The following TGS1 variants were observed in gnomAD, a reference collection of about 807,000 sequenced individuals.
TGS1 encodes trimethylguanosine synthase.
TGS1 carries 69 observed loss-of-function variants against 92.2 expected under a neutral mutation model. The observed-to-expected ratio is 0.75, with a 90% CI of 0.62 to 0.91. TGS1 has a LOEUF of 0.91. Among genes scored for constraint, TGS1 ranks in the 40% least tolerant of loss-of-function variants. The pLI, the probability that TGS1 is intolerant of heterozygous loss-of-function variation, is 0.00. For synonymous variants in TGS1, 345 were observed against 338.1 expected (o/e 1.02, Z -0.22); for missense variants, 1,062 against 1,001.2 (o/e 1.06, Z -0.82).
intron 4 of TGS1, among the ~76,000 whole-genome samples, chr8:55,789,356 C>T (rs148010160): frequency 2.6e-5 from 4 of 152,258 alleles, no homozygotes; most frequent in Non-Finnish European, 4.4e-5. Flanking sequence ...ATTAATGTTA[C>T]TTTCATACTA....
chr8:55,814,673 A>C (rs1418803482), intron 12 of TGS1, among the ~76,000 whole-genome samples: 1 of 134,570 alleles, frequency 7.4e-6, no homozygotes, highest in Admixed American at 7.5e-5. Flanking sequence ...AAAAAAAAAA[A>C]AATATATATA....
At chr8:55,785,307 C>A (rs1050062265) in intron 2 of TGS1, among the ~76,000 whole-genome samples, 3 of 152,142 alleles carry the variant, frequency 2.0e-5, no homozygotes, top group African/African-American at 4.8e-5. Flanking sequence ...CCGCCTGCCT[C>A]AGCCTCCGAA....
At chr8:55,792,631 T>A in intron 5 of TGS1, 67 bp from the exon 6 acceptor site, 1 of 1,133,848 alleles carries the variant, frequency 8.8e-7, no homozygotes, top group East Asian at 2.4e-5. Context: ...TTGCCTTTTT[T>A]ATATTTATCT....
intron 8 of TGS1, among the ~76,000 whole-genome samples, chr8:55,801,181 G>A (rs1211709004): frequency 6.6e-6 from 1 of 152,210 alleles, no homozygotes; most frequent in Non-Finnish European, 1.5e-5. Context: ...GCTAACAGAA[G>A]TAATAACTTT....
chr8:55,799,337 A>T (rs1812154813), intron 8 of TGS1, 117 bp downstream of exon 8: 1 of 995,184 alleles, frequency 1.0e-6, no homozygotes, highest in Non-Finnish European at 1.4e-6. Context: ...ACTGCTACTT[A>T]TTTTTAAGTG....
In TGS1 at chr8:55,783,302, C is replaced by A. The variant is rs576431138; in HGVS notation, c.166+490C>A. Among the ~76,000 whole-genome samples, 5 of 152,212 alleles carry A rather than the reference C, an allele frequency of 3.3e-5. No homozygotes were observed. In the East Asian group the frequency reaches 9.6e-4, roughly 29 times the overall value. On this transcript the variant is annotated intron_variant, in intron 2 of 12. Coordinates refer to ENST00000260129, the MANE Select transcript of TGS1 (RefSeq NM_024831.8). The stretch of plus-strand genomic sequence containing the variant: ...GGTATGGTGGTGGGCACCTATAATC[C>A]CAGCTACTCAGGAGGCTGAGGCAAG...
chr8:55,794,993 G>A (rs1323359755), intron 6 of TGS1, among the ~76,000 whole-genome samples: 1 of 152,180 alleles, frequency 6.6e-6, no homozygotes, highest in African/African-American at 2.4e-5. Context: ...GACTCTTGTA[G>A]TTTCTAAAGA....
intron 5 of TGS1, among the ~76,000 whole-genome samples, 166 bp downstream of exon 5, chr8:55,790,465 A>G (rs1408770341): frequency 6.6e-6 from 1 of 151,902 alleles, no homozygotes; most frequent in Non-Finnish European, 1.5e-5. Context: ...ACCTGTGGTT[A>G]AGGCCGAACT....
chr8:55,824,334 A>G (rs1317796279), intron 12 of TGS1, among the ~76,000 whole-genome samples: 2 of 152,198 alleles, frequency 1.3e-5, no homozygotes, highest in Non-Finnish European at 2.9e-5. Context: ...TGGAGAGTTC[A>G]AGTCCTATAC....
At chr8:55,780,748 G>A (rs1399583111) in intron 1 of TGS1, among the ~76,000 whole-genome samples, 1 of 152,154 alleles carries the variant, frequency 6.6e-6, no homozygotes, top group Non-Finnish European at 1.5e-5. Context: ...TCTGTAAGGA[G>A]CGCTTTCCCT....
At chr8:55,782,607 T>C in intron 1 of TGS1, 141 bp from the exon 2 acceptor site, 1 of 584,532 alleles carries the variant, frequency 1.7e-6, no homozygotes, top group Non-Finnish European at 3.0e-6. Flanking sequence ...CTCTACATTA[T>C]AAGTGAGGGA....
intron 12 of TGS1, among the ~76,000 whole-genome samples, chr8:55,820,321 C>T (rs539843906): frequency 2.6e-5 from 4 of 152,184 alleles, no homozygotes; most frequent in South Asian, 4.1e-4. Context: ...CCGAGGCGGG[C>T]GGATCACCTG....
At chr8:55,821,332 T>C (rs770274394) in intron 12 of TGS1, among the ~76,000 whole-genome samples, 6 of 152,230 alleles carry the variant, frequency 3.9e-5, no homozygotes, top group Admixed American at 3.3e-4. Context: ...TTTGCTATAC[T>C]GCACTGCCTA....
At chr8:55,812,942 C>T in intron 11 of TGS1, 98 bp from the exon 12 acceptor site, 2 of 930,546 alleles carry the variant, frequency 2.1e-6, no homozygotes, top group Non-Finnish European at 3.3e-6. Flanking sequence ...CTTTTAGTTA[C>T]ATTTTGAAAT....
In TGS1 at chr8:55,810,985, C is replaced by G. The variant is rs758192125; in HGVS notation, c.2248C>G (p.Leu750Val). 6.2e-7 allele frequency: 1 copy of G among 1,614,134 alleles called. No individual in the cohort carries two copies. The highest frequency in any genetic ancestry group is 1.7e-5 in the Admixed American group (1 of 60,004). ...AGAGTTCATCTGTGGAGATTTCTTG[C>G]TGCTGGCTTCTTTTTTAAAGGCTGA... is the stretch of plus-strand genomic sequence containing the variant. ...KIEFICGDFLLLASFLKADVV... is the reference protein window; with the variant it reads ...KIEFICGDFLVLASFLKADVV... The change falls in exon 11 of 13, where the codon CTG (leucine) becomes GTG (valine). Residue 750 changes from leucine to valine, a missense_variant. Transcript: ENST00000260129.
chr8:55,800,992 G>GA (rs1276362025), intron 8 of TGS1, among the ~76,000 whole-genome samples: 3 of 152,110 alleles, frequency 2.0e-5, no homozygotes, highest in African/African-American at 7.2e-5. Context: ...ATTATTTAAG[G>GA]AAAAAATCAC....
intron 1 of TGS1, among the ~76,000 whole-genome samples, chr8:55,777,967 A>G (rs867044076): frequency 6.6e-6 from 1 of 151,494 alleles, no homozygotes; most frequent in African/African-American, 2.4e-5. Context: ...ATCCTCACTT[A>G]TTCAAGTAGA....
At chr8:55,800,860 G>A (rs1436228210) in intron 8 of TGS1, among the ~76,000 whole-genome samples, 1 of 152,162 alleles carries the variant, frequency 6.6e-6, no homozygotes, top group Admixed American at 6.5e-5. Flanking sequence ...GTGTAATGGA[G>A]TCTTATTCTT....
At chr8:55,818,880 G>A (rs974327659) in intron 12 of TGS1, among the ~76,000 whole-genome samples, 1 of 152,176 alleles carries the variant, frequency 6.6e-6, no homozygotes, top group Non-Finnish European at 1.5e-5. Context: ...CATGTTTCCA[G>A]TATCTGGTTC....
Sources: allele counts gnomAD v4.1 joint callset (sites outside exome capture counted in the v4.1 genomes callset), GRCh38; gene constraint gnomAD v4.1.1; transcripts MANE v1.5; gene names NCBI Gene and HGNC (gene_info 2026-07-23, HGNC 2026-07-21).